Variants in GFRA3 observed in about 807,000 individuals in gnomAD.
GFRA3 encodes the protein GDNF family receptor alpha 3, also known as GDNF family receptor alpha-3.
In GFRA3, 24 loss-of-function variants were observed where a neutral mutation model predicts 40.0. The observed-to-expected ratio is 0.60, with a 90% CI of 0.43 to 0.84. The LOEUF (loss-of-function observed/expected upper bound fraction) is 0.84, where lower values mean the gene tolerates loss of function less well. Ranked by LOEUF, GFRA3 falls within the 40% of genes least tolerant of loss-of-function variation. The pLI is 0.00. For synonymous variants in GFRA3, 203 were observed against 213.5 expected (o/e 0.95, Z 0.43); for missense variants, 405 against 530.6 (o/e 0.76, Z 2.33).
intron 2 of GFRA3, among the ~76,000 whole-genome samples, chr5:138,262,202 C>T (rs1380568820): frequency 6.6e-6 from 1 of 152,152 alleles, no homozygotes; most frequent in African/African-American, 2.4e-5. Flanking sequence ...GCTCAGTCCT[C>T]AGGGAGAATG....
At chr5:138,261,194 ATTG>A (rs1351241312) in intron 2 of GFRA3, among the ~76,000 whole-genome samples, 1 of 152,170 alleles carries the variant, frequency 6.6e-6, no homozygotes, top group Non-Finnish European at 1.5e-5. Flanking sequence ...ATCTGGTAAA[ATTG>A]TTGTGTGTGA....
chr5:138,269,219 A>C (rs1187376943), intron 1 of GFRA3, among the ~76,000 whole-genome samples: 1 of 152,140 alleles, frequency 6.6e-6, no homozygotes, highest in East Asian at 1.9e-4. Context: ...GCCACTGAGG[A>C]AAACAGTCTG....
Position 138,254,158 on chromosome 5 carries a change from G to T in GFRA3, c.788C>A (p.Ser263Ter). 3 of 1,528,178 alleles carry T rather than the reference G, an allele frequency of 2.0e-6. No homozygotes were observed. The highest frequency in any genetic ancestry group is 2.7e-6 in the Non-Finnish European group (3 of 1,105,200). 94.7% of individuals were successfully genotyped at this position (1,528,178 alleles called of 1,614,324 possible). ...GTGGGTCTGGAAATCCACCAGGCGT[G>T]ATCTGGAAGAAGGGAAATTTCTGTC... is the stretch of plus-strand genomic sequence containing the variant. ...RLCFSDPLCR[S>*]RLVDFQTHCH... The change falls in exon 5 of 8, where the codon TCA becomes TAA. Residue 263 changes from serine to a stop codon, truncating the protein, a stop_gained and splice_region_variant. Coordinates refer to ENST00000274721, the MANE Select transcript of GFRA3 (RefSeq NM_001496.4). LOFTEE classifies it high-confidence loss of function.
intron 1 of GFRA3, among the ~76,000 whole-genome samples, chr5:138,269,712 G>C (rs35002324): frequency 6.6e-6 from 1 of 150,874 alleles, no homozygotes; most frequent in South Asian, 2.1e-4. Flanking sequence ...GCGTGGTGGC[G>C]TGTGCCTATA....
intron 1 of GFRA3, 45 bp downstream of exon 1, chr5:138,274,289 C>G: frequency 7.6e-7 from 1 of 1,319,294 alleles, no homozygotes; most frequent in Non-Finnish European, 9.7e-7. Flanking sequence ...CACCTCACCT[C>G]CCCCTCCCAC....
At chr5:138,254,240 T>TG in intron 4 of GFRA3, 80 bp from the exon 5 acceptor site, 2 of 822,574 alleles carry the variant, frequency 2.4e-6, no homozygotes, top group Non-Finnish European at 4.1e-6. Flanking sequence ...CAGGCTGGAG[T>TG]GCAGTAGCTC....
In GFRA3 at chr5:138,253,337, G is replaced by C. The variant is rs769770824; in HGVS notation, c.1063C>G (p.Leu355Val). ...GGGTGTGGCCAGTCCTGGGAGAAGA[G>C]TTGGCTGTGAAAACGCATCTTAGCT... is the stretch of plus-strand genomic sequence containing the variant. The part of the protein sequence containing the change: ...IAAKMRFHSQ[L>V]FSQDWPHPTF... Residue 355 changes from leucine to valine, a missense_variant, in exon 7 of 8, where the codon CTC (leucine) becomes GTC (valine). Coordinates refer to ENST00000274721, the MANE Select transcript of GFRA3 (RefSeq NM_001496.4). 12 of 1,605,092 alleles carry C rather than the reference G, an allele frequency of 7.5e-6. No individual in the cohort carries two copies. In the African/African-American group the frequency reaches 1.3e-4, roughly 18 times the overall value.
At position 138,264,533 on chromosome 5, in the gene GFRA3, G is replaced by T. The variant is rs754879130; in HGVS notation, c.107C>A (p.Thr36Lys). ...ACAGCTGTTCATGAGTCGGCTTTCT[G>T]TGGGAAGGGGGTCTCCTGTAAAGGG... ...LPLAAGDPLPTESRLMNSCLQ... is the reference protein window; with the variant it reads ...LPLAAGDPLPKESRLMNSCLQ... The change falls in exon 2 of 8, where the codon ACA becomes AAA. Residue 36 changes from threonine to lysine, a missense_variant. By Grantham distance (78) the Thr-to-Lys change is moderately conservative. Coordinates refer to ENST00000274721, the MANE Select transcript of GFRA3 (RefSeq NM_001496.4). 5 of 1,605,660 alleles carry T rather than the reference G, an allele frequency of 3.1e-6. No homozygotes were observed. In the South Asian group the frequency reaches 3.3e-5, roughly 11 times the overall value.
intron 1 of GFRA3, among the ~76,000 whole-genome samples, chr5:138,274,103 C>T (rs1433009233): frequency 6.6e-6 from 1 of 152,172 alleles, no homozygotes; most frequent in Non-Finnish European, 1.5e-5. Context: ...GGAGGAGATG[C>T]TTGGGTGGCC....
rs554498938 is a variant in GFRA3 at position 138,253,640 on chromosome 5, T to C, written c.1024+126A>G. The C allele has an allele frequency of 2.7e-5, 23 of 865,254 alleles. No homozygotes were observed. The East Asian group carries it at 4.2e-4, about 16-fold the overall frequency. 53.6% of individuals were successfully genotyped at this position (865,254 alleles called of 1,614,324 possible). ...CCTGGGCTATGGCAATGAAAGCCTA[T>C]GCTAGGAACTGCTCTGTTTGGTGGA... is the stretch of plus-strand genomic sequence containing the variant. On this transcript the variant is annotated intron_variant, in intron 6 of 7. Coordinates refer to ENST00000274721, the MANE Select transcript of GFRA3 (RefSeq NM_001496.4).
At chr5:138,266,572 C>T (rs1755787910) in intron 1 of GFRA3, among the ~76,000 whole-genome samples, 1 of 152,196 alleles carries the variant, frequency 6.6e-6, no homozygotes, top group Non-Finnish European at 1.5e-5. Context: ...CTTGTGTAGC[C>T]AGAATCCAGA....
In GFRA3 at chr5:138,265,630, C is replaced by T. The variant is rs149844679; in HGVS notation, c.92-1082G>A. 3.0e-3 allele frequency among the ~76,000 whole-genome samples: 458 copies of T among 152,246 alleles called. 6 individuals are homozygous for T. The highest frequency in any genetic ancestry group is 0.014 in the Middle Eastern group (4 of 294). ...TGTGTCACTACCTCCTTAGATCAAG[C>T]CACCATCAACTCTTCTCCTTCTTCC... On this transcript the variant is annotated intron_variant, in intron 1 of 7. Coordinates refer to ENST00000274721, the MANE Select transcript of GFRA3 (RefSeq NM_001496.4).
rs150157706 is a variant in GFRA3 at position 138,267,086 on chromosome 5, A to C, written c.92-2538T>G. 4.6e-3 allele frequency: 858 copies of C among 186,674 alleles called. 5 individuals are homozygous for C. The highest frequency in any genetic ancestry group is 0.019 in the African/African-American group (818 of 42,094). The allele number at this position is 186,674 out of a possible 1,614,324, so 11.6% of individuals were successfully genotyped here. On this transcript the variant is annotated intron_variant, in intron 1 of 7. Transcript: ENST00000274721. ...GGCTGGCCATAAACACTTCAGCACC[A>C]CATTCATCTGAAGGGTACTCCTGAC...
rs1462885091 is a variant in GFRA3 at position 138,264,526 on chromosome 5, G to T, written c.114C>A (p.Ser38Arg). 6.2e-7 allele frequency: 1 copy of T among 1,607,366 alleles called. No individual in the cohort carries two copies. The highest frequency in any genetic ancestry group is 2.2e-5 in the East Asian group (1 of 44,744). The change falls in exon 2 of 8, where the codon AGC becomes AGA. Residue 38 changes from serine (S) to arginine (R), a missense_variant. Ser to Arg is a moderately radical substitution (Grantham distance 110). Transcript: ENST00000274721. ...CCTGGAGACAGCTGTTCATGAGTCG[G>T]CTTTCTGTGGGAAGGGGGTCTCCTG... is the stretch of plus-strand genomic sequence containing the variant. ...LAAGDPLPTE[S>R]RLMNSCLQAR...
chr5:138,270,205 C>CAAAAAAAAA (rs34014240), intron 1 of GFRA3, among the ~76,000 whole-genome samples: 136 of 72,102 alleles, frequency 1.9e-3, no homozygotes, highest in African/African-American at 2.5e-3. Context: ...ACTAAAAATA[C>CAAAAAAAAA]AAAAAAAAAA....
chr5:138,273,553 A>T (rs1436109632), intron 1 of GFRA3, among the ~76,000 whole-genome samples: 2 of 152,142 alleles, frequency 1.3e-5, no homozygotes, highest in Non-Finnish European at 2.9e-5. Flanking sequence ...TCAAGGCAGC[A>T]TTTCTACAGC....
intron 2 of GFRA3, among the ~76,000 whole-genome samples, chr5:138,262,527 A>C (rs1227410460): frequency 6.6e-6 from 1 of 152,076 alleles, no homozygotes; most frequent in African/African-American, 2.4e-5. Context: ...ATCATGGCTC[A>C]CTGCAGCCTC....
chr5:138,254,218 C>T, intron 4 of GFRA3, 58 bp from the exon 5 acceptor site: 8 of 969,316 alleles, frequency 8.3e-6, no homozygotes, highest in South Asian at 1.3e-5. Context: ...TGATGTCTCA[C>T]TCTCTCTTGC....
At chr5:138,269,262 C>T (rs949779362) in intron 1 of GFRA3, among the ~76,000 whole-genome samples, 8 of 151,946 alleles carry the variant, frequency 5.3e-5, no homozygotes, top group South Asian at 2.1e-4. Context: ...GTAGTCTGGG[C>T]GTGGTGGCTC....
Sources: allele counts gnomAD v4.1 joint callset (sites outside exome capture counted in the v4.1 genomes callset), GRCh38; gene constraint gnomAD v4.1.1; transcripts MANE v1.5; gene names NCBI Gene and HGNC (gene_info 2026-07-23, HGNC 2026-07-21).